NCAM2: variants seen among roughly 807,000 people sequenced by gnomAD.
NCAM2 encodes the protein neural cell adhesion molecule 2.
A neutral mutation model predicts 98.1 loss-of-function variants in NCAM2; 30 were observed. That is an observed-to-expected ratio of 0.31 (90% CI 0.23 to 0.41). NCAM2 has a LOEUF of 0.41. Ranked by LOEUF, NCAM2 falls within the 10% of genes least tolerant of loss-of-function variation. The pLI, the probability that NCAM2 is intolerant of heterozygous loss-of-function variation, is 1.00. For synonymous variants in NCAM2, 368 were observed against 342.4 expected (o/e 1.07, Z -0.83); for missense variants, 867 against 1,005.8 (o/e 0.86, Z 1.87).
intron 15 of NCAM2, among the ~76,000 whole-genome samples, chr21:21,503,080 A>T (rs1378001376): frequency 6.6e-6 from 1 of 151,920 alleles, no homozygotes; most frequent in Non-Finnish European, 1.5e-5. Context: ...GATTTAATTT[A>T]TACAACAGAA....
chr21:21,449,647 A>G (rs1381590377), intron 12 of NCAM2, among the ~76,000 whole-genome samples: 1 of 152,038 alleles, frequency 6.6e-6, no homozygotes, highest in Non-Finnish European at 1.5e-5. Flanking sequence ...TATTAAAACT[A>G]CTTACTATAA....
chr21:21,291,802 G>A (rs558949059), intron 4 of NCAM2, among the ~76,000 whole-genome samples: 1 of 151,088 alleles, frequency 6.6e-6, no homozygotes, highest in Admixed American at 6.6e-5. Context: ...GTTCTTTTGT[G>A]TATCATTTCT....
At chr21:21,405,069 C>G (rs1445118062) in intron 9 of NCAM2, among the ~76,000 whole-genome samples, 1 of 151,758 alleles carries the variant, frequency 6.6e-6, no homozygotes. Context: ...TTAGAATACA[C>G]TATTGAGGAA....
intron 12 of NCAM2, among the ~76,000 whole-genome samples, chr21:21,458,232 G>T (rs1473475684): frequency 6.6e-6 from 1 of 152,228 alleles, no homozygotes; most frequent in African/African-American, 2.4e-5. Context: ...GGTAGGACAT[G>T]GTGGGTGCCC....
At chr21:21,245,064 A>C (rs1298293520) in intron 1 of NCAM2, among the ~76,000 whole-genome samples, 2 of 152,160 alleles carry the variant, frequency 1.3e-5, no homozygotes, top group Non-Finnish European at 2.9e-5. Context: ...GAGAGTGTTG[A>C]GAGACATCTG....
chr21:21,440,693 A>AAAAAG (rs138443651), intron 12 of NCAM2, among the ~76,000 whole-genome samples: 20,013 of 150,200 alleles, frequency 0.13, 1,366 homozygotes, highest in Middle Eastern at 0.17. Flanking sequence ...CAACAACAAA[A>AAAAAG]AAAAGAAAAG....
chr21:21,093,934 A>G (rs1243420755), intron 1 of NCAM2, among the ~76,000 whole-genome samples: 1 of 152,016 alleles, frequency 6.6e-6, no homozygotes, highest in Non-Finnish European at 1.5e-5. Context: ...AATTTTCTCA[A>G]GGAAACATTT....
chr21:21,275,136 C>A lies in NCAM2; in HGVS notation c.56-5442C>A, dbSNP rs372715790. On this transcript the variant is annotated intron_variant, in intron 1 of 17. Coordinates refer to ENST00000400546, the MANE Select transcript of NCAM2 (RefSeq NM_004540.5). ...CCTATGTTTTATTTTGAGAAATAAT[C>A]TTTATTTAAAAAGATAAATTTGGAC... 8.6e-5 allele frequency among the ~76,000 whole-genome samples: 13 copies of A among 152,044 alleles called. No individual in the cohort carries two copies. The East Asian group carries it at 2.5e-3, about 29-fold the overall frequency.
At chr21:21,453,816 TA>T (rs781762908) in intron 12 of NCAM2, among the ~76,000 whole-genome samples, 2 of 152,138 alleles carry the variant, frequency 1.3e-5, no homozygotes, top group Non-Finnish European at 2.9e-5. Flanking sequence ...TATTGAAATT[TA>T]GTTTCCCCCT....
chr21:21,440,596 A>G (rs28485800), intron 12 of NCAM2, among the ~76,000 whole-genome samples: 5,660 of 152,048 alleles, frequency 0.037, 346 homozygotes, highest in African/African-American at 0.13. Context: ...TGGGAGGATC[A>G]CTTGAACCCA....
At chr21:21,375,487 A>C (rs1778225135) in intron 9 of NCAM2, among the ~76,000 whole-genome samples, 1 of 151,794 alleles carries the variant, frequency 6.6e-6, no homozygotes, top group Admixed American at 6.6e-5. Flanking sequence ...ATAAAAATGG[A>C]AAGCATTGAT....
rs5842926 is a variant in NCAM2, at chr21:21,455,210, C to CAAAA, written c.1655-11377_1655-11374dup. Among the ~76,000 whole-genome samples the CAAAA allele has an allele frequency of 7.2e-3, 686 of 95,400 alleles. 17 individuals carry two copies. The highest frequency in any genetic ancestry group is 0.022 in the African/African-American group (557 of 25,594). 62.6% of individuals were successfully genotyped at this position (95,400 alleles called of 152,430 possible). Reference sequence around the variant, plus strand: ...GTCCTTTTAAAAGGAAACCTATTGGCAAAAAAAAAAAAAAAAAAAAAAGTT... The same window carrying CAAAA: ...GTCCTTTTAAAAGGAAACCTATTGGCAAAAAAAAAAAAAAAAAAAAAAAAAAGTT... On this transcript the variant is annotated intron_variant, in intron 12 of 17. Coordinates refer to ENST00000400546, the MANE Select transcript of NCAM2 (RefSeq NM_004540.5).
Position 21,477,301 on chromosome 21 carries a change from A to G in NCAM2, c.1907A>G (p.Glu636Gly), listed in dbSNP as rs780905198. The change falls in exon 15 of 18, where the codon GAA (glutamate) becomes GGA (glycine). Residue 636 changes from glutamate to glycine, a missense_variant. By Grantham distance (98) the Glu-to-Gly change is moderately conservative. Transcript: ENST00000400546. ...TTATTGCTTTCACAGAAAGATAAGG[A>G]AGACCAATGGCTAGAGAAAAAAGTG... ...YIVKYRSKDK[E>G]DQWLEKKVQG... The G allele has an allele frequency of 1.3e-6, 2 of 1,594,960 alleles. No homozygotes were observed. Among genetic ancestry groups the G allele is most frequent in the Non-Finnish European group, 1.7e-6 (2 of 1,169,334 alleles).
chr21:21,136,336 C>G (rs1457286712), intron 1 of NCAM2, among the ~76,000 whole-genome samples: 1 of 152,190 alleles, frequency 6.6e-6, no homozygotes, highest in East Asian at 1.9e-4. Context: ...GAAGGGAAAA[C>G]AACCAGAAAC....
chr21:21,102,048 G>A (rs1181631308), intron 1 of NCAM2, among the ~76,000 whole-genome samples: 1 of 152,006 alleles, frequency 6.6e-6, no homozygotes, highest in Non-Finnish European at 1.5e-5. Flanking sequence ...TTGATGTTGT[G>A]GAAGCACTAG....
intron 5 of NCAM2, 118 bp downstream of exon 5, chr21:21,292,359 G>A: frequency 1.0e-6 from 1 of 955,444 alleles, no homozygotes; most frequent in Non-Finnish European, 1.5e-6. Flanking sequence ...TTCTATACCA[G>A]GAAGAAATCT....
chr21:21,478,799 C>T (rs1018378189), intron 15 of NCAM2, among the ~76,000 whole-genome samples: 7 of 152,210 alleles, frequency 4.6e-5, no homozygotes, highest in African/African-American at 1.7e-4. Context: ...GCATTATTCT[C>T]ATTTTACAAA....
intron 9 of NCAM2, among the ~76,000 whole-genome samples, chr21:21,397,340 C>T (rs2076532135): frequency 6.6e-6 from 1 of 152,202 alleles, no homozygotes; most frequent in Non-Finnish European, 1.5e-5. Flanking sequence ...CTGCCTCCTG[C>T]TGCCATCAAC....
rs2073030525 is a variant in NCAM2 at position 21,284,411 on chromosome 21, T to C, written c.337+11T>C. The C allele has an allele frequency of 6.3e-7, 1 of 1,585,444 alleles. No individual in the cohort carries two copies. Among genetic ancestry groups the C allele is most frequent in the Non-Finnish European group, 8.7e-7 (1 of 1,155,858 alleles). On this transcript the variant is annotated intron_variant, in intron 3 of 17. Coordinates refer to ENST00000400546, the MANE Select transcript of NCAM2 (RefSeq NM_004540.5). Reference sequence around the variant, plus strand: ...TTTTGGAAATTTACCGTAAGTAATGTATTTATATGTTTTAGTTTATTCAAT... The same window carrying C: ...TTTTGGAAATTTACCGTAAGTAATGCATTTATATGTTTTAGTTTATTCAAT...
Sources: gnomAD v4.1 joint callset for allele counts (sites outside exome capture counted in the v4.1 genomes callset) on GRCh38, gnomAD v4.1.1 for gene constraint, MANE v1.5 for transcripts, NCBI Gene and HGNC (gene_info 2026-07-23, HGNC 2026-07-21) for gene names.